CREG2: variants seen among roughly 807,000 people sequenced by gnomAD.
CREG2 encodes cellular repressor of E1A stimulated genes 2.
In CREG2, 24 loss-of-function variants were observed where a neutral mutation model predicts 26.2. The ratio of observed to expected loss-of-function variants is 0.92; its 90% CI spans 0.66 to 1.29. The LOEUF (loss-of-function observed/expected upper bound fraction) is 1.29. CREG2 is among the 50% of genes most tolerant of loss of function. The pLI is 0.00. For missense variants in CREG2, 366 were observed against 398.6 expected, an observed-to-expected ratio of 0.92 and a Z score of 0.70; for synonymous variants, 174 against 169.2, an observed-to-expected ratio of 1.03 and a Z score of -0.22.
At chr2:101,379,770 C>T (rs144140330) in intron 2 of CREG2, among the ~76,000 whole-genome samples, 1 of 152,250 alleles carries the variant, frequency 6.6e-6, no homozygotes, top group Admixed American at 6.5e-5. Flanking sequence ...GGAGGCAGGC[C>T]CCTGGCCATG....
At chr2:101,364,992 G>A (rs1573307829) in intron 2 of CREG2, among the ~76,000 whole-genome samples, 1 of 152,234 alleles carries the variant, frequency 6.6e-6, no homozygotes, top group Non-Finnish European at 1.5e-5. Context: ...AAGAAGCGTA[G>A]GAGGCGTGGA....
At chr2:101,384,699 GT>G (rs1684937553) in intron 1 of CREG2, among the ~76,000 whole-genome samples, 1 of 152,046 alleles carries the variant, frequency 6.6e-6, no homozygotes, top group Non-Finnish European at 1.5e-5. Context: ...CCTACAAAAA[GT>G]TTTTTAAAAA....
Position 101,387,195 on chromosome 2 carries a change from CG to C in CREG2, c.262del (p.Arg88GlyfsTer88). 7.3e-7 allele frequency: 1 copy of C among 1,361,092 alleles called. No individual in the cohort carries two copies. Among genetic ancestry groups the C allele is most frequent in the Non-Finnish European group, 9.6e-7 (1 of 1,043,566 alleles). 84.3% of individuals were successfully genotyped at this position (1,361,092 alleles called of 1,614,324 possible). On this transcript the variant is annotated frameshift_variant, in exon 1 of 4. Transcript: ENST00000324768. LOFTEE classifies it high-confidence loss of function. This position sits in a 1 kb window ranked among gnomAD's most constrained non-coding sequence, Gnocchi z 4.7. Reference protein sequence around the residue: ...AHKEDAHLRPRAGAARARPPP... With the variant: ...AHKEDAHLRPXAGAARARPPP... ...CGGCCTGGCCCGGGCGGCGCCCGCC[CG>C]GGGCCGCAGGTGCGCGTCCTCCTTG...
Position 101,359,495 on chromosome 2 carries a change from G to T in CREG2, c.612-4129C>A, listed in dbSNP as rs1003377651. ...GCTCCTGAGATATTAGTAGGAAGTC[G>T]CTGATCACCAACTTCAGGTTTTTTC... is the stretch of plus-strand genomic sequence containing the variant. On this transcript the variant is annotated intron_variant, in intron 2 of 3. Coordinates refer to ENST00000324768, the MANE Select transcript of CREG2 (RefSeq NM_153836.4). 2.6e-5 allele frequency among the ~76,000 whole-genome samples: 4 copies of T among 152,268 alleles called. No individual in the cohort carries two copies. The East Asian group carries it at 5.8e-4, about 22-fold the overall frequency.
intron 2 of CREG2, among the ~76,000 whole-genome samples, chr2:101,359,680 C>A (rs1417053970): frequency 6.6e-6 from 1 of 152,190 alleles, no homozygotes; most frequent in East Asian, 1.9e-4. Context: ...TGACTAGCTA[C>A]CTACAGTAAT....
At chr2:101,353,267 A>G (rs1346045842) in intron 3 of CREG2, among the ~76,000 whole-genome samples, 2 of 152,196 alleles carry the variant, frequency 1.3e-5, no homozygotes, top group Non-Finnish European at 2.9e-5. Flanking sequence ...GTTTAATTAG[A>G]TCCCATTTAT....
intron 2 of CREG2, chr2:101,382,945 G>A: frequency 1.0e-6 from 1 of 985,726 alleles, no homozygotes. Context: ...GCGAGTTCAG[G>A]CTTTGCATTT....
intron 2 of CREG2, among the ~76,000 whole-genome samples, chr2:101,372,826 A>T (rs527591008): frequency 6.6e-6 from 1 of 152,380 alleles, no homozygotes; most frequent in African/African-American, 2.4e-5. Flanking sequence ...AAATGGGTAA[A>T]GGGTTTAAAT....
chr2:101,373,214 A>C (rs192980146), intron 2 of CREG2, among the ~76,000 whole-genome samples: 41 of 152,320 alleles, frequency 2.7e-4, no homozygotes, highest in African/African-American at 9.1e-4. Context: ...ATGTTCATCA[A>C]CTCATGACGA....
intron 2 of CREG2, among the ~76,000 whole-genome samples, chr2:101,367,112 T>C (rs1302412436): frequency 6.6e-6 from 1 of 152,124 alleles, no homozygotes; most frequent in Non-Finnish European, 1.5e-5. Context: ...GTCCATTACA[T>C]TTCCTTACTC....
At chr2:101,362,540 G>A (rs1406489638) in intron 2 of CREG2, among the ~76,000 whole-genome samples, 3 of 152,296 alleles carry the variant, frequency 2.0e-5, no homozygotes, top group African/African-American at 7.2e-5. Flanking sequence ...ACTGTTAGAT[G>A]TGTTAATAGC....
chr2:101,370,423 A>C (rs1684687273), intron 2 of CREG2, among the ~76,000 whole-genome samples: 1 of 152,146 alleles, frequency 6.6e-6, no homozygotes, highest in African/African-American at 2.4e-5. Context: ...TTTCATCCCC[A>C]CAGTGGACCT....
At chr2:101,364,857 T>C (rs1242009712) in intron 2 of CREG2, among the ~76,000 whole-genome samples, 1 of 151,990 alleles carries the variant, frequency 6.6e-6, no homozygotes, top group Non-Finnish European at 1.5e-5. Flanking sequence ...AGATAGACCA[T>C]GGAGTCTAAC....
In CREG2 at chr2:101,355,347, C is replaced by G. The variant is rs779376765; in HGVS notation, c.631G>C (p.Glu211Gln). ...GTTAACTGGACACATCGGGGATCTT[C>G]CGGATCAACGATGTTTTTTCTGCAT... The part of the protein sequence containing the change: ...EFCRKNIVDP[E>Q]DPRCVQLTLT... The change falls in exon 3 of 4, where the codon GAA (glutamate) becomes CAA (glutamine). Residue 211 changes from glutamate to glutamine, a missense_variant. Around this residue, in one of 3 missense-constraint regions of CREG2, gnomAD observed 174 missense variants for 178.2 expected, o/e 0.98. Coordinates refer to ENST00000324768, the MANE Select transcript of CREG2 (RefSeq NM_153836.4). 4.6e-5 allele frequency: 75 copies of G among 1,612,902 alleles called. No individual in the cohort carries two copies. In the South Asian group the frequency reaches 7.8e-4, roughly 17 times the overall value.
At chr2:101,375,356 C>T (rs1684773817) in intron 2 of CREG2, among the ~76,000 whole-genome samples, 2 of 152,142 alleles carry the variant, frequency 1.3e-5, no homozygotes, top group Admixed American at 1.3e-4. Context: ...CACACCGAGG[C>T]CTGTCAATCA....
intron 2 of CREG2, among the ~76,000 whole-genome samples, chr2:101,368,883 G>C (rs561588674): frequency 3.3e-4 from 51 of 152,314 alleles, no homozygotes; most frequent in South Asian, 2.1e-3. Flanking sequence ...CCACCCTCCA[G>C]AACTGTGGGA....
At chr2:101,359,238 C>A (rs1684506456) in intron 2 of CREG2, among the ~76,000 whole-genome samples, 3 of 152,186 alleles carry the variant, frequency 2.0e-5, no homozygotes, top group Non-Finnish European at 4.4e-5. Context: ...TGTTGGCACA[C>A]TTCTGGGGCC....
chr2:101,372,837 A>C (rs1684731332), intron 2 of CREG2, among the ~76,000 whole-genome samples: 1 of 152,284 alleles, frequency 6.6e-6, no homozygotes, highest in South Asian at 2.1e-4. Flanking sequence ...GGGTTTAAAT[A>C]GACAGTTCCC....
In CREG2 at chr2:101,387,089, G is replaced by T; in HGVS notation, c.369C>A (p.Arg123=). 2 of 1,233,644 alleles carry T rather than the reference G, an allele frequency of 1.6e-6. No individual in the cohort carries two copies. The highest frequency in any genetic ancestry group is 2.0e-6 in the Non-Finnish European group (2 of 989,530). 76.4% of individuals were successfully genotyped at this position (1,233,644 alleles called of 1,614,324 possible). Reference sequence around the variant, plus strand: ...GGGCCAGGGAGCGGGCGGTGGCGGCGCGCAGTCTAGGGCCCGGGGGCGCAC... The same window carrying T: ...GGGCCAGGGAGCGGGCGGTGGCGGCTCGCAGTCTAGGGCCCGGGGGCGCAC... ...TASAPPGPRL[R]AATARSLAHA... Residue 123 remains arginine (R), a synonymous_variant, in exon 1 of 4, where the codon CGC becomes CGA. Coordinates refer to ENST00000324768, the MANE Select transcript of CREG2 (RefSeq NM_153836.4). The surrounding 1 kb of genome is among the most constrained non-coding windows in gnomAD (Gnocchi z 4.7).
Sources: gnomAD v4.1 joint callset for allele counts (sites outside exome capture counted in the v4.1 genomes callset) on GRCh38, gnomAD v4.1.1 for gene constraint, gnomAD v4.1.1 regional missense constraint, Gnocchi (gnomAD v3.1) non-coding constraint, MANE v1.5 for transcripts, NCBI Gene and HGNC (gene_info 2026-07-23, HGNC 2026-07-21) for gene names.